EYA1: variants seen among roughly 807,000 people sequenced by gnomAD.
EYA1 encodes the protein protein phosphatase EYA1.
In EYA1, 16 loss-of-function variants were observed where a neutral mutation model predicts 82.0. That is an observed-to-expected ratio of 0.20 (90% CI 0.13 to 0.30). The LOEUF (loss-of-function observed/expected upper bound fraction) is 0.30. EYA1 is among the 10% of genes least tolerant of loss of function. The pLI is 1.00. For synonymous variants in EYA1, 261 were observed against 264.4 expected, an observed-to-expected ratio of 0.99 and a Z score of 0.12; for missense variants, 633 against 730.7, an observed-to-expected ratio of 0.87 and a Z score of 1.54.
intron 2 of EYA1, among the ~76,000 whole-genome samples, chr8:71,472,788 G>GATATATAT (rs71264559): frequency 0.081 from 10,284 of 126,474 alleles, 495 homozygotes; most frequent in Middle Eastern, 0.13. Flanking sequence ...TAGCTTTGAA[G>GATATATAT]ATATATATAT....
chr8:71,354,657 C>T, intron 3 of EYA1, 125 bp downstream of exon 3: 1 of 930,988 alleles, frequency 1.1e-6, no homozygotes. Flanking sequence ...CACATTATTA[C>T]CTAAAGGGGA....
intron 2 of EYA1, among the ~76,000 whole-genome samples, chr8:71,479,808 C>G: frequency 6.6e-6 from 1 of 152,138 alleles, no homozygotes; most frequent in East Asian, 1.9e-4. Context: ...CACCACTCAA[C>G]TGTGCTTCCC....
chr8:71,293,969 G>A (rs1419483230), intron 9 of EYA1, among the ~76,000 whole-genome samples: 1 of 150,850 alleles, frequency 6.6e-6, no homozygotes, highest in East Asian at 1.9e-4. Context: ...AAATTGGGAA[G>A]GAAGAAATAT....
At chr8:71,475,903 G>A (rs564833345) in intron 2 of EYA1, among the ~76,000 whole-genome samples, 8 of 152,146 alleles carry the variant, frequency 5.3e-5, no homozygotes, top group Admixed American at 3.3e-4. Context: ...GACATTTTTA[G>A]TTATCACTAA....
intron 3 of EYA1, 78 bp from the exon 4 acceptor site, chr8:71,334,252 AG>A: frequency 9.2e-7 from 1 of 1,089,958 alleles, no homozygotes. Flanking sequence ...TATAACATTC[AG>A]AGTAATGACA....
At chr8:71,493,459 TA>T (rs1811168595) in intron 2 of EYA1, among the ~76,000 whole-genome samples, 1 of 152,136 alleles carries the variant, frequency 6.6e-6, no homozygotes, top group Admixed American at 6.5e-5. Context: ...ATACAAACAG[TA>T]AAACAGTCCT....
At chr8:71,367,399 A>G (rs1486502902) in intron 2 of EYA1, among the ~76,000 whole-genome samples, 4 of 152,128 alleles carry the variant, frequency 2.6e-5, no homozygotes, top group Non-Finnish European at 5.9e-5. Context: ...ATTTGGATGT[A>G]TGGTTTAAGT....
At chr8:71,455,489 C>T (rs1807812416) in intron 2 of EYA1, among the ~76,000 whole-genome samples, 1 of 152,144 alleles carries the variant, frequency 6.6e-6, no homozygotes, top group Non-Finnish European at 1.5e-5. Context: ...CCCTGATGAA[C>T]ATCAATGCAA....
intron 6 of EYA1, among the ~76,000 whole-genome samples, chr8:71,319,517 G>A (rs1822297166): frequency 6.6e-6 from 1 of 152,042 alleles, no homozygotes; most frequent in Non-Finnish European, 1.5e-5. Context: ...GGCAGAAAGA[G>A]GTAGAAAGCA....
intron 2 of EYA1, among the ~76,000 whole-genome samples, chr8:71,369,357 A>G (rs1010197463): frequency 3.3e-5 from 5 of 152,256 alleles, no homozygotes; most frequent in Non-Finnish European, 5.9e-5. Context: ...ACATCTCTCT[A>G]TAGGCAAGGG....
At chr8:71,299,277 T>C (rs776597235) in intron 8 of EYA1, 44 bp from the exon 9 acceptor site, 5 of 1,577,078 alleles carry the variant, frequency 3.2e-6, no homozygotes, top group Non-Finnish European at 8.7e-7. Flanking sequence ...AAAATACTGC[T>C]GCTTATCTCT....
chr8:71,287,203 T>C (rs1473002979), intron 9 of EYA1, among the ~76,000 whole-genome samples: 3 of 152,178 alleles, frequency 2.0e-5, no homozygotes, highest in African/African-American at 7.2e-5. Context: ...ACTATTACCT[T>C]AGCAGAATAA....
chr8:71,376,144 G>A (rs1006520285), intron 2 of EYA1, among the ~76,000 whole-genome samples: 1 of 152,164 alleles, frequency 6.6e-6, no homozygotes, highest in African/African-American at 2.4e-5. Flanking sequence ...CCCTTGAAGG[G>A]GGTGTCATTT....
chr8:71,380,904 G>C (rs566804397), intron 2 of EYA1, among the ~76,000 whole-genome samples: 2 of 152,280 alleles, frequency 1.3e-5, no homozygotes, highest in South Asian at 4.1e-4. Flanking sequence ...CTCAACCTCT[G>C]AGGGCCTTGC....
intron 1 of EYA1, among the ~76,000 whole-genome samples, chr8:71,543,664 A>C (rs1815331101): frequency 6.6e-6 from 1 of 152,138 alleles, no homozygotes; most frequent in Non-Finnish European, 1.5e-5. Context: ...ATTTATTCCT[A>C]CTTGAGTAAA....
intron 11 of EYA1, among the ~76,000 whole-genome samples, chr8:71,258,033 T>C (rs1239395026): frequency 6.6e-6 from 1 of 152,198 alleles, no homozygotes. Flanking sequence ...TTCTTAGCAC[T>C]GTTATTTCTT....
intron 2 of EYA1, among the ~76,000 whole-genome samples, chr8:71,424,427 C>T (rs959912906): frequency 9.2e-5 from 14 of 152,086 alleles, no homozygotes; most frequent in Admixed American, 9.2e-4. Context: ...TCCCAAAATG[C>T]TTTGCTTAAG....
chr8:71,380,780 T>G (rs922854751), intron 2 of EYA1, among the ~76,000 whole-genome samples: 1 of 152,252 alleles, frequency 6.6e-6, no homozygotes, highest in Non-Finnish European at 1.5e-5. Flanking sequence ...TCTATTTCAC[T>G]GGGGGCACAA....
intron 4 of EYA1, among the ~76,000 whole-genome samples, chr8:71,333,795 G>C (rs112285300): frequency 6.6e-6 from 1 of 152,112 alleles, no homozygotes; most frequent in Admixed American, 6.6e-5. Flanking sequence ...AAGAGAGAAC[G>C]GGGGAGGAGT....
Sources: gnomAD v4.1 joint callset for allele counts (sites outside exome capture counted in the v4.1 genomes callset) on GRCh38, gnomAD v4.1.1 for gene constraint, MANE v1.5 for transcripts, NCBI Gene and HGNC (gene_info 2026-07-23, HGNC 2026-07-21) for gene names.